ZNF438: variants seen among roughly 807,000 people sequenced by gnomAD.
ZNF438 encodes the protein zinc finger protein 438.
Under a neutral mutation model 38.0 loss-of-function variants are expected in ZNF438, and 25 were observed. The ratio of observed to expected loss-of-function variants is 0.66; its 90% CI spans 0.48 to 0.92. The LOEUF (loss-of-function observed/expected upper bound fraction) is 0.92. ZNF438 is among the 40% of genes least tolerant of loss of function. The pLI, the probability that ZNF438 is intolerant of heterozygous loss-of-function variation, is 0.00. For synonymous variants in ZNF438, 372 were observed against 364.1 expected (o/e 1.02, Z -0.25); for missense variants, 1,007 against 999.6 (o/e 1.01, Z -0.10).
intron 4 of ZNF438, among the ~76,000 whole-genome samples, chr10:30,872,756 A>AG (rs1437631261): frequency 6.6e-6 from 1 of 151,350 alleles, no homozygotes; most frequent in Admixed American, 6.6e-5. Context: ...TCTCAAAAAA[A>AG]AAAAAAAAAA....
chr10:30,985,068 C>T lies in ZNF438; in HGVS notation c.-191-43417G>A, dbSNP rs778578968. 9.2e-5 allele frequency among the ~76,000 whole-genome samples: 14 copies of T among 152,232 alleles called. No individual in the cohort carries two copies. The East Asian group carries it at 2.3e-3, about 25-fold the overall frequency. On this transcript the variant is annotated intron_variant, in intron 1 of 5. Coordinates refer to ENST00000413025, the Ensembl canonical transcript of ZNF438. ...GTGCAATGAAGCCAGTTGTCAATTT[C>T]GCAACTTGCTTAAATCTTTAAGACA...
At chr10:30,856,491 C>CT (rs1174488672) in intron 4 of ZNF438, among the ~76,000 whole-genome samples, 1 of 149,474 alleles carries the variant, frequency 6.7e-6, no homozygotes, top group Non-Finnish European at 1.5e-5. Context: ...TCTGCAGAGT[C>CT]TTTCTTGGCA....
At position 30,910,149 on chromosome 10, in the gene ZNF438, G is replaced by A. The variant is rs143759873; in HGVS notation, c.-114-1134C>T. 6.5e-3 allele frequency among the ~76,000 whole-genome samples: 993 copies of A among 152,060 alleles called. 18 individuals carry two copies. The highest frequency in any genetic ancestry group is 0.055 in the South Asian group (266 of 4,816). ...GACTTCAGGTTTTCCTAGGGTGTTA[G>A]AGTACAATTACCTTGTGTACTTGGT... On this transcript the variant is annotated intron_variant, in intron 2 of 5. Transcript: ENST00000413025.
intron 1 of ZNF438, among the ~76,000 whole-genome samples, chr10:30,955,502 G>A (rs1284231267): frequency 3.9e-5 from 6 of 152,300 alleles, no homozygotes; most frequent in Non-Finnish European, 5.9e-5. Context: ...TCTAGAAGCC[G>A]GAAGCCACAA....
intron 1 of ZNF438, among the ~76,000 whole-genome samples, chr10:30,959,001 T>C (rs1381061835): frequency 6.8e-6 from 1 of 147,408 alleles, no homozygotes; most frequent in African/African-American, 2.4e-5. Flanking sequence ...TATTAATATC[T>C]ATTACAAATA....
At chr10:30,954,778 C>G (rs186385052) in intron 1 of ZNF438, among the ~76,000 whole-genome samples, 3 of 152,274 alleles carry the variant, frequency 2.0e-5, no homozygotes, top group Admixed American at 1.3e-4. Flanking sequence ...AACATTATAT[C>G]AGCTTGCACT....
At chr10:30,854,944 A>G (rs992860787) in intron 4 of ZNF438, among the ~76,000 whole-genome samples, 19 of 152,352 alleles carry the variant, frequency 1.2e-4, no homozygotes, top group African/African-American at 4.6e-4. Context: ...AAGTCTCTAA[A>G]GACTTAAGTT....
intron 1 of ZNF438, among the ~76,000 whole-genome samples, chr10:30,950,107 C>T (rs2047984138): frequency 1.3e-5 from 2 of 149,864 alleles, no homozygotes; most frequent in Admixed American, 6.6e-5. Flanking sequence ...CTCAAAACCG[C>T]TCAACTACAT....
At chr10:31,027,478 A>G (rs911729464) in intron 1 of ZNF438, among the ~76,000 whole-genome samples, 3 of 152,034 alleles carry the variant, frequency 2.0e-5, no homozygotes, top group African/African-American at 4.8e-5. Flanking sequence ...TGTTGTTTTC[A>G]GATAGAACTT....
chr10:31,020,358 A>G lies in ZNF438; in HGVS notation c.-192+11475T>C, dbSNP rs367598545. ...AAAGAGAGTCTCAAGTTTTTAAAGA[A>G]AAAAAGGACGAATCAGGAGAGGCGG... On this transcript the variant is annotated intron_variant, in intron 1 of 5. Transcript: ENST00000413025. Among the ~76,000 whole-genome samples the G allele has an allele frequency of 1.3e-3, 191 of 152,336 alleles. 2 individuals are homozygous for G. The highest frequency in any genetic ancestry group is 3.8e-3 in the African/African-American group (158 of 41,584).
exon 6 of ZNF438, chr10:30,844,893 T>A: frequency 1.9e-6 from 3 of 1,546,122 alleles, no homozygotes; most frequent in Non-Finnish European, 2.6e-6. Context: ...AGCACCACCA[T>A]AAAGCACGAA....
chr10:31,006,525 A>G (rs1159247535), intron 1 of ZNF438, among the ~76,000 whole-genome samples: 1 of 152,060 alleles, frequency 6.6e-6, no homozygotes, highest in Non-Finnish European at 1.5e-5. Context: ...TACCCTTTAT[A>G]ATAAACCAGT....
intron 3 of ZNF438, among the ~76,000 whole-genome samples, chr10:30,893,469 A>C (rs887976850): frequency 7.2e-5 from 11 of 152,256 alleles, no homozygotes; most frequent in African/African-American, 2.7e-4. Context: ...TTTTCTTGCT[A>C]TGAAAACAAC....
intron 3 of ZNF438, among the ~76,000 whole-genome samples, chr10:30,900,618 T>C (rs1039487409): frequency 2.6e-5 from 4 of 152,170 alleles, no homozygotes; most frequent in African/African-American, 9.7e-5. Flanking sequence ...CCATTTTACA[T>C]ACAAGGAAAT....
At chr10:30,851,598 C>T (rs1418932591) in intron 4 of ZNF438, among the ~76,000 whole-genome samples, 3 of 152,188 alleles carry the variant, frequency 2.0e-5, no homozygotes, top group Non-Finnish European at 4.4e-5. Flanking sequence ...TACATAACTC[C>T]CAGCGGAATC....
chr10:30,995,186 A>T (rs2053920660), intron 1 of ZNF438, among the ~76,000 whole-genome samples: 1 of 152,208 alleles, frequency 6.6e-6, no homozygotes, highest in African/African-American at 2.4e-5. Context: ...ATACAAAGAG[A>T]TATACTTCCA....
At position 30,968,537 on chromosome 10, in the gene ZNF438, G is replaced by A. The variant is rs142211887; in HGVS notation, c.-191-26886C>T. On this transcript the variant is annotated intron_variant, in intron 1 of 5. Coordinates refer to ENST00000413025, the Ensembl canonical transcript of ZNF438. ...CGGCTCACCACAACCTCCACCTCCC[G>A]GGTTCAAGCGATTCTCCTGTCTCAG... Among the ~76,000 whole-genome samples, 982 of 140,722 alleles carry A rather than the reference G, an allele frequency of 7.0e-3. 12 individuals are homozygous for A. Among genetic ancestry groups the A allele is most frequent in the African/African-American group, 0.024 (913 of 37,684 alleles). 92.3% of individuals were successfully genotyped at this position (140,722 alleles called of 152,430 possible).
intron 1 of ZNF438, among the ~76,000 whole-genome samples, chr10:30,942,707 G>C (rs527246689): frequency 6.6e-6 from 1 of 151,514 alleles, no homozygotes; most frequent in Non-Finnish European, 1.5e-5. Flanking sequence ...TCCTGTCCTA[G>C]AATTTCGTAT....
intron 4 of ZNF438, among the ~76,000 whole-genome samples, chr10:30,867,332 T>C (rs1211907231): frequency 6.6e-6 from 1 of 152,244 alleles, no homozygotes; most frequent in East Asian, 1.9e-4. Flanking sequence ...TTTTTTTTGC[T>C]TTAGAAAAAT....
Sources: allele counts gnomAD v4.1 joint callset (sites outside exome capture counted in the v4.1 genomes callset), GRCh38; gene constraint gnomAD v4.1.1; transcripts MANE v1.5; gene names NCBI Gene and HGNC (gene_info 2026-07-23, HGNC 2026-07-21).